The following COL24A1 variants were observed in gnomAD, a reference collection of about 807,000 sequenced individuals.
COL24A1 encodes collagen alpha-1(XXIV) chain.
In COL24A1, 224 loss-of-function variants were observed where a neutral mutation model predicts 253.9. That is an observed-to-expected ratio of 0.88 (90% CI 0.79 to 0.99). COL24A1 has a LOEUF of 0.99. Ranked by LOEUF, COL24A1 falls within the 50% of genes least tolerant of loss-of-function variation. The pLI is 0.00. For synonymous variants in COL24A1, 685 were observed against 673.7 expected (o/e 1.02, Z -0.26); for missense variants, 2,131 against 2,068.5 (o/e 1.03, Z -0.59).
intron 19 of COL24A1, among the ~76,000 whole-genome samples, chr1:86,014,792 A>G (rs930653307): frequency 1.3e-5 from 2 of 152,114 alleles, no homozygotes; most frequent in African/African-American, 4.8e-5. Flanking sequence ...CTATTGTCAC[A>G]GGACCTCATC....
chr1:85,923,634 C>T (rs1192095771), intron 24 of COL24A1, among the ~76,000 whole-genome samples: 3 of 152,116 alleles, frequency 2.0e-5, no homozygotes, highest in South Asian at 2.1e-4. Context: ...AGAACAAAGA[C>T]ACAACGTACC....
chr1:85,965,636 G>A (rs1413080262), intron 22 of COL24A1, among the ~76,000 whole-genome samples: 1 of 152,104 alleles, frequency 6.6e-6, no homozygotes, highest in African/African-American at 2.4e-5. Context: ...TGTGAAGAGT[G>A]TGACCCTTGA....
intron 31 of COL24A1, among the ~76,000 whole-genome samples, chr1:85,890,025 C>T (rs1682946726): frequency 6.6e-6 from 1 of 152,102 alleles, no homozygotes; most frequent in Non-Finnish European, 1.5e-5. Flanking sequence ...CTGTGACTGG[C>T]TTATTTCACT....
Position 86,156,454 on chromosome 1 carries a change from C to A in COL24A1, c.-58G>T. ...ACGGAAAACAGAAGCCAACTCTGAA[C>A]TGCTTAGGGTGCAGGTACTGTCCAT... On this transcript the variant is annotated 5_prime_UTR_variant, in exon 1 of 60. Coordinates refer to ENST00000370571, the MANE Select transcript of COL24A1 (RefSeq NM_152890.7). 2 of 1,530,628 alleles carry A rather than the reference C, an allele frequency of 1.3e-6. No homozygotes were observed. The highest frequency in any genetic ancestry group is 2.3e-5 in the South Asian group (2 of 85,182). The allele number at this position is 1,530,628 out of a possible 1,614,324, so 94.8% of individuals were successfully genotyped here. A position where few individuals can be genotyped will look rare whatever the true frequency, so the allele number is the denominator to read the frequency against.
At chr1:86,135,396 T>C (rs112338614) in intron 2 of COL24A1, among the ~76,000 whole-genome samples, 2 of 152,164 alleles carry the variant, frequency 1.3e-5, no homozygotes, top group African/African-American at 4.8e-5. Context: ...GTCATTATGA[T>C]GTTAGCTGGT....
At chr1:85,863,933 A>T (rs896965500) in intron 37 of COL24A1, among the ~76,000 whole-genome samples, 3 of 152,218 alleles carry the variant, frequency 2.0e-5, no homozygotes, top group African/African-American at 7.2e-5. Context: ...AGAAATAGGA[A>T]CACTTTTACA....
chr1:85,967,805 CTGACAGGAGG>C (rs764971668), intron 22 of COL24A1, among the ~76,000 whole-genome samples: 6 of 152,154 alleles, frequency 3.9e-5, no homozygotes, highest in Non-Finnish European at 7.4e-5. Flanking sequence ...TGCTGCTCAT[CTGACAGGAGG>C]TGAAGCTCAG....
At chr1:85,927,196 G>C (rs937823493) in intron 24 of COL24A1, among the ~76,000 whole-genome samples, 3 of 152,066 alleles carry the variant, frequency 2.0e-5, no homozygotes, top group Non-Finnish European at 4.4e-5. Flanking sequence ...GGGAGTGCCA[G>C]ACAGTGGGCG....
At chr1:85,786,009 T>C (rs1373451191) in intron 48 of COL24A1, among the ~76,000 whole-genome samples, 1 of 152,212 alleles carries the variant, frequency 6.6e-6, no homozygotes, top group Non-Finnish European at 1.5e-5. Context: ...AGGAATTGTA[T>C]TTGAGAAAGT....
chr1:85,746,065 T>G (rs1665174767), intron 55 of COL24A1, among the ~76,000 whole-genome samples: 1 of 152,290 alleles, frequency 6.6e-6, no homozygotes, highest in South Asian at 2.1e-4. Flanking sequence ...TAAAATATAT[T>G]TTTAGAAAAA....
At chr1:85,935,262 A>G (rs1688165439) in intron 24 of COL24A1, among the ~76,000 whole-genome samples, 1 of 122,982 alleles carries the variant, frequency 8.1e-6, no homozygotes, top group Admixed American at 8.2e-5. Context: ...GCTACGAACA[A>G]TAACATTTAG....
At chr1:85,807,050 G>T (rs1335091892) in intron 47 of COL24A1, among the ~76,000 whole-genome samples, 1 of 152,184 alleles carries the variant, frequency 6.6e-6, no homozygotes, top group East Asian at 1.9e-4. Context: ...ACAGACATGG[G>T]CAAGACTAAG....
intron 37 of COL24A1, among the ~76,000 whole-genome samples, chr1:85,850,823 TATG>T (rs1156236089): frequency 7.2e-5 from 11 of 152,082 alleles, no homozygotes; most frequent in Admixed American, 6.6e-4. Flanking sequence ...GGACTAGACT[TATG>T]ATGAAGAGCT....
At position 85,816,812 on chromosome 1, in the gene COL24A1, C is replaced by T. The variant is rs191885788; in HGVS notation, c.3927G>A (p.Gly1309=). The change falls in exon 47 of 60, where the codon GGG becomes GGA. Residue 1309 remains glycine (G), a synonymous_variant. Coordinates refer to ENST00000370571, the MANE Select transcript of COL24A1 (RefSeq NM_152890.7). The stretch of plus-strand genomic sequence containing the variant: ...CAGGAAGTCCCTGTTTTCCTGGTGG[C>T]CCAATTTTTCCAGGGTTTCCTGAAA... ...DGISGNPGKI[G]PPGKQGLPGI... The T allele has an allele frequency of 2.5e-6, 4 of 1,613,870 alleles. No individual in the cohort carries two copies. Among genetic ancestry groups the T allele is most frequent in the African/African-American group, 1.3e-5 (1 of 75,030 alleles).
At chr1:86,016,082 T>C (rs771353217) in intron 19 of COL24A1, among the ~76,000 whole-genome samples, 19 of 151,708 alleles carry the variant, frequency 1.3e-4, no homozygotes, top group Non-Finnish European at 2.4e-4. Flanking sequence ...ACTATGTTGC[T>C]AGGGCTGGTC....
At chr1:86,043,710 T>A (rs1699677114) in intron 12 of COL24A1, among the ~76,000 whole-genome samples, 1 of 152,058 alleles carries the variant, frequency 6.6e-6, no homozygotes. Flanking sequence ...GTATTTTTAG[T>A]AGAGACAGGG....
chr1:85,908,297 A>C (rs542640141), intron 27 of COL24A1, among the ~76,000 whole-genome samples: 78 of 151,852 alleles, frequency 5.1e-4, no homozygotes, highest in African/African-American at 1.2e-3. Context: ...TTATTTATCC[A>C]ATTGGTCTCA....
chr1:86,014,068 C>T (rs539296456), intron 19 of COL24A1, among the ~76,000 whole-genome samples: 47 of 152,286 alleles, frequency 3.1e-4, no homozygotes, highest in African/African-American at 1.1e-3. Flanking sequence ...TGAAACAAAT[C>T]CCTACAGTTA....
At chr1:85,837,571 G>C (rs1676142888) in intron 43 of COL24A1, among the ~76,000 whole-genome samples, 1 of 152,082 alleles carries the variant, frequency 6.6e-6, no homozygotes, top group Non-Finnish European at 1.5e-5. Context: ...AAGAAAGAAA[G>C]AAGACATATG....
Sources: allele counts gnomAD v4.1 joint callset (sites outside exome capture counted in the v4.1 genomes callset), GRCh38; gene constraint gnomAD v4.1.1; transcripts MANE v1.5; gene names NCBI Gene and HGNC (gene_info 2026-07-23, HGNC 2026-07-21).